The following HS3ST3A1 variants were observed in gnomAD, a reference collection of about 807,000 sequenced individuals.
The protein encoded by HS3ST3A1 is heparan sulfate-glucosamine 3-sulfotransferase 3A1.
Under a neutral mutation model 25.7 loss-of-function variants are expected in HS3ST3A1, and 19 were observed. That is an observed-to-expected ratio of 0.74 (90% CI 0.52 to 1.08). The LOEUF (loss-of-function observed/expected upper bound fraction) is 1.08, where lower values mean the gene tolerates loss of function less well. Among genes scored for constraint, HS3ST3A1 ranks in the 50% least tolerant of loss-of-function variants. The pLI is 0.00. For missense variants in HS3ST3A1, 459 were observed against 594.3 expected (o/e 0.77, Z 2.37); for synonymous variants, 226 against 278.6 (o/e 0.81, Z 1.88).
chr17:13,582,189 A>G (rs992381026), intron 1 of HS3ST3A1, among the ~76,000 whole-genome samples: 18 of 152,158 alleles, frequency 1.2e-4, no homozygotes, highest in Admixed American at 1.1e-3. Flanking sequence ...CTCAAATCTG[A>G]GTTCAATAGT....
At chr17:13,583,048 G>A (rs942081575) in intron 1 of HS3ST3A1, among the ~76,000 whole-genome samples, 4 of 152,182 alleles carry the variant, frequency 2.6e-5, no homozygotes, top group African/African-American at 7.2e-5. Flanking sequence ...TAAATTGTGG[G>A]TATGAGGAAA....
chr17:13,561,278 C>T (rs1194263061), intron 1 of HS3ST3A1, among the ~76,000 whole-genome samples: 2 of 152,178 alleles, frequency 1.3e-5, no homozygotes, highest in Non-Finnish European at 2.9e-5. Context: ...TTGTCCACCC[C>T]TACCTAAGTC....
At chr17:13,499,252 CT>C in intron 1 of HS3ST3A1, among the ~76,000 whole-genome samples, 1 of 152,266 alleles carries the variant, frequency 6.6e-6, no homozygotes. Flanking sequence ...TCTGTGACTC[CT>C]TCTGTGGAAC....
chr17:13,558,524 A>G (rs1003533204), intron 1 of HS3ST3A1, among the ~76,000 whole-genome samples: 4 of 152,214 alleles, frequency 2.6e-5, no homozygotes, highest in African/African-American at 9.6e-5. Context: ...AATGATAAAA[A>G]TGTTAAAAAA....
intron 1 of HS3ST3A1, among the ~76,000 whole-genome samples, chr17:13,538,992 T>C (rs1456171822): frequency 6.6e-6 from 1 of 152,206 alleles, no homozygotes; most frequent in Non-Finnish European, 1.5e-5. Context: ...TGATATCAGC[T>C]ACAGTCACTC....
chr17:13,506,687 T>C (rs537879271), intron 1 of HS3ST3A1, among the ~76,000 whole-genome samples: 135 of 152,290 alleles, frequency 8.9e-4, no homozygotes, highest in Non-Finnish European at 1.8e-3. Flanking sequence ...TCTCACTATA[T>C]TCCACAAGGC....
At chr17:13,583,040 A>C (rs1222128570) in intron 1 of HS3ST3A1, among the ~76,000 whole-genome samples, 1 of 152,234 alleles carries the variant, frequency 6.6e-6, no homozygotes, top group African/African-American at 2.4e-5. Context: ...AAAGGCAATA[A>C]ATTGTGGGTA....
rs529401246 is a variant in HS3ST3A1 at position 13,557,481 on chromosome 17, G to A, written c.599+43050C>T. ...AACAACAACAACAAAAAAACCCAAG[G>A]TAAGAATTAAGTGATACCTGTCCAA... On this transcript the variant is annotated intron_variant, in intron 1 of 1. Transcript: ENST00000284110. Among the ~76,000 whole-genome samples the A allele has an allele frequency of 9.9e-5, 15 of 152,070 alleles. No homozygotes were observed. In the South Asian group the frequency reaches 2.9e-3, roughly 29 times the overall value.
chr17:13,499,670 G>A (rs144936304), intron 1 of HS3ST3A1, among the ~76,000 whole-genome samples: 44 of 152,128 alleles, frequency 2.9e-4, no homozygotes, highest in East Asian at 2.7e-3. Context: ...TATAGATTGC[G>A]CTGGGCCAGA....
At chr17:13,497,215 T>C (rs139357637) in intron 1 of HS3ST3A1, among the ~76,000 whole-genome samples, 2 of 152,324 alleles carry the variant, frequency 1.3e-5, no homozygotes, top group African/African-American at 4.8e-5. Flanking sequence ...TGCTATGAGA[T>C]AGTATTAAAA....
chr17:13,600,777 G>C lies in HS3ST3A1; in HGVS notation c.353C>G (p.Pro118Arg). 6.8e-7 allele frequency: 1 copy of C among 1,480,850 alleles called. No homozygotes were observed. 91.7% of individuals were successfully genotyped at this position (1,480,850 alleles called of 1,614,324 possible). ...GEEAAWEEES[P>R]GLSGGPGGSG... ...GCCGCCCGGACCCCCTGACAGGCCA[G>C]GGGACTCTTCTTCCCAGGCCGCCTC... is the stretch of plus-strand genomic sequence containing the variant. Residue 118 changes from proline to arginine, a missense_variant, in exon 1 of 2, where the codon CCT (proline) becomes CGT (arginine). Around this residue, in one of 3 missense-constraint regions of HS3ST3A1, gnomAD observed 346 missense variants for 303.9 expected, o/e 1.14. Transcript: ENST00000284110.
At position 13,503,596 on chromosome 17, in the gene HS3ST3A1, G is replaced by T. The variant is rs149218640; in HGVS notation, c.600-6778C>A. 4.3e-3 allele frequency among the ~76,000 whole-genome samples: 652 copies of T among 152,286 alleles called. 4 individuals carry two copies. Among genetic ancestry groups the T allele is most frequent in the African/African-American group, 0.015 (621 of 41,548 alleles). On this transcript the variant is annotated intron_variant, in intron 1 of 1. Coordinates refer to ENST00000284110, the MANE Select transcript of HS3ST3A1 (RefSeq NM_006042.3). ...AAAAATGAAATGAAAAATAAATAAAGTAAGTAATCAATAAACACACGAGAA... is the reference window on the plus strand; with the variant it reads ...AAAAATGAAATGAAAAATAAATAAATTAAGTAATCAATAAACACACGAGAA...
chr17:13,581,128 CA>C (rs1366848037), intron 1 of HS3ST3A1, among the ~76,000 whole-genome samples: 3 of 152,074 alleles, frequency 2.0e-5, no homozygotes, highest in Non-Finnish European at 4.4e-5. Context: ...TCCATTGGAA[CA>C]AATTTGCATT....
intron 1 of HS3ST3A1, among the ~76,000 whole-genome samples, chr17:13,569,990 T>C (rs182372915): frequency 2.0e-5 from 3 of 152,350 alleles, no homozygotes; most frequent in African/African-American, 7.2e-5. Context: ...GACTTCCCAT[T>C]AATCCCTCTT....
At chr17:13,591,904 C>T (rs1019798645) in intron 1 of HS3ST3A1, among the ~76,000 whole-genome samples, 1 of 152,158 alleles carries the variant, frequency 6.6e-6, no homozygotes, top group African/African-American at 2.4e-5. Context: ...AAGTGATCTG[C>T]CTGCCTCTGT....
intron 1 of HS3ST3A1, among the ~76,000 whole-genome samples, chr17:13,589,796 C>A (rs760894228): frequency 4.6e-5 from 7 of 152,148 alleles, no homozygotes; most frequent in Non-Finnish European, 8.8e-5. Context: ...AACATGGCTT[C>A]CGTTTAGAAA....
chr17:13,532,415 T>C (rs9897001), intron 1 of HS3ST3A1, among the ~76,000 whole-genome samples: 67,275 of 151,808 alleles, frequency 0.44, 16,588 homozygotes, highest in African/African-American at 0.67. Context: ...CTAAGGCTGT[T>C]GGGGGTCAGA....
At chr17:13,516,318 A>T (rs1054071234) in intron 1 of HS3ST3A1, among the ~76,000 whole-genome samples, 1 of 149,470 alleles carries the variant, frequency 6.7e-6, no homozygotes, top group Non-Finnish European at 1.5e-5. Flanking sequence ...TCAAAAAAAT[A>T]AAAAAATAAA....
chr17:13,494,685 A>G lies in HS3ST3A1; in HGVS notation c.*1512T>C, dbSNP rs1598403880. 6.6e-6 allele frequency among the ~76,000 whole-genome samples: 1 copy of G among 152,292 alleles called. No individual in the cohort carries two copies. The highest frequency in any genetic ancestry group is 2.4e-5 in the African/African-American group (1 of 41,562). On this transcript the variant is annotated 3_prime_UTR_variant, in exon 2 of 2. Transcript: ENST00000284110. ...CAGGCTAATTATAAATGTTTTATATATTTCGTGCATATGTGTTCCTCTCTA... is the reference window on the plus strand; with the variant it reads ...CAGGCTAATTATAAATGTTTTATATGTTTCGTGCATATGTGTTCCTCTCTA...
Sources: allele counts gnomAD v4.1 joint callset (sites outside exome capture counted in the v4.1 genomes callset), GRCh38; gene constraint gnomAD v4.1.1; regional missense constraint gnomAD v4.1.1; transcripts MANE v1.5; gene names NCBI Gene and HGNC (gene_info 2026-07-23, HGNC 2026-07-21).